BPIFC: variants seen among roughly 807,000 people sequenced by gnomAD.
BPIFC encodes BPI fold-containing family C protein.
Under a neutral mutation model 57.6 loss-of-function variants are expected in BPIFC, and 60 were observed. The observed-to-expected ratio is 1.04, with a 90% CI of 0.85 to 1.29. BPIFC has a LOEUF of 1.29. Among genes scored for constraint, BPIFC ranks in the 50% most tolerant of loss-of-function variants. The pLI is 0.00. For synonymous variants in BPIFC, 243 were observed against 224.5 expected (o/e 1.08, Z -0.74); for missense variants, 581 against 600.5 (o/e 0.97, Z 0.34).
chr22:32,418,734 C>T (rs555879430), intron 14 of BPIFC, among the ~76,000 whole-genome samples: 32 of 152,184 alleles, frequency 2.1e-4, no homozygotes, highest in African/African-American at 2.9e-4. Context: ...CTATTCTACC[C>T]GGGCATTCTG....
chr22:32,432,877 T>C (rs1601458393), intron 11 of BPIFC, among the ~76,000 whole-genome samples: 2 of 152,196 alleles, frequency 1.3e-5, no homozygotes, highest in East Asian at 3.9e-4. Flanking sequence ...TTCTCAAGGT[T>C]CTAGGGGAAT....
At chr22:32,451,299 G>A (rs1197694062) in intron 4 of BPIFC, among the ~76,000 whole-genome samples, 2 of 152,190 alleles carry the variant, frequency 1.3e-5, no homozygotes, top group African/African-American at 4.8e-5. Flanking sequence ...CTGGTTCCAA[G>A]TCTTTGCTAT....
At chr22:32,427,426 T>A (rs1285144157) in intron 13 of BPIFC, among the ~76,000 whole-genome samples, 2 of 152,170 alleles carry the variant, frequency 1.3e-5, no homozygotes, top group East Asian at 3.9e-4. Flanking sequence ...CCTGCTCAGA[T>A]GCAAGTGTTG....
At chr22:32,434,499 A>C (rs1934338954) in intron 10 of BPIFC, among the ~76,000 whole-genome samples, 1 of 150,458 alleles carries the variant, frequency 6.6e-6, no homozygotes, top group East Asian at 1.9e-4. Context: ...ATTACAATCT[A>C]TATGTACATA....
At position 32,434,082 on chromosome 22, in the gene BPIFC, T is replaced by TTATATA. The variant is rs10628834; in HGVS notation, c.925-316_925-311dup. Among the ~76,000 whole-genome samples, 591 of 147,282 alleles carry TTATATA rather than the reference T, an allele frequency of 4.0e-3. 2 individuals are homozygous for TTATATA. The highest frequency in any genetic ancestry group is 0.011 in the Middle Eastern group (3 of 272). On this transcript the variant is annotated intron_variant, in intron 10 of 16. Transcript: ENST00000300399. Reference sequence around the variant, plus strand: ...CGTATGTAGTACAACAAAGTTTTAGTTATATATATATATATCTATATGTAC... The same window carrying TTATATA: ...CGTATGTAGTACAACAAAGTTTTAGTTATATATATATATATATATATCTATATGTAC...
At chr22:32,450,658 C>A (rs1168024315) in intron 4 of BPIFC, among the ~76,000 whole-genome samples, 9 of 151,642 alleles carry the variant, frequency 5.9e-5, no homozygotes, top group Admixed American at 4.6e-4. Flanking sequence ...TCATGATACA[C>A]CTCAATTCAA....
intron 3 of BPIFC, among the ~76,000 whole-genome samples, chr22:32,453,768 C>T (rs1299252865): frequency 6.6e-6 from 1 of 152,078 alleles, no homozygotes; most frequent in Non-Finnish European, 1.5e-5. Flanking sequence ...TATCACAGAA[C>T]AGTGTGAGAA....
At chr22:32,450,918 T>C (rs1049078798) in intron 4 of BPIFC, among the ~76,000 whole-genome samples, 8 of 152,368 alleles carry the variant, frequency 5.3e-5, no homozygotes, top group African/African-American at 1.7e-4. Context: ...AGATTTTCAG[T>C]TGAAAAAGTA....
At chr22:32,426,356 T>C (rs1934067703) in intron 13 of BPIFC, among the ~76,000 whole-genome samples, 1 of 152,168 alleles carries the variant, frequency 6.6e-6, no homozygotes, top group Admixed American at 6.5e-5. Context: ...GCAGCCTGCA[T>C]GGGAGGCAGG....
chr22:32,429,509 G>GTTTTTTTTTT lies in BPIFC; in HGVS notation c.1217+1828_1217+1837dup, dbSNP rs780948561. On this transcript the variant is annotated intron_variant, in intron 13 of 16. Coordinates refer to ENST00000300399, the MANE Select transcript of BPIFC (RefSeq NM_174932.3). ...GCGTGAGCCATGGCAACTGGCCTTT[G>GTTTTTTTTTT]TTTTTTTTTTTTTTTTTTTTTTTTT... Among the ~76,000 whole-genome samples, 8 of 56,648 alleles carry GTTTTTTTTTT rather than the reference G, an allele frequency of 1.4e-4. 1 individual carries two copies. The East Asian group carries it at 2.1e-3, about 15-fold the overall frequency. 37.2% of individuals were successfully genotyped at this position (56,648 alleles called of 152,430 possible).
chr22:32,418,913 G>T (rs1371060953), intron 14 of BPIFC, among the ~76,000 whole-genome samples: 3 of 151,946 alleles, frequency 2.0e-5, no homozygotes, highest in South Asian at 2.1e-4. Context: ...TCCCACAAAG[G>T]TATCCATACA....
chr22:32,444,922 C>T (rs1314630157), intron 7 of BPIFC, among the ~76,000 whole-genome samples: 1 of 152,056 alleles, frequency 6.6e-6, no homozygotes, highest in Non-Finnish European at 1.5e-5. Context: ...TTTCACAAGC[C>T]CGAGTTTGAG....
At chr22:32,435,917 T>G in intron 9 of BPIFC, 37 bp from the exon 10 acceptor site, 1 of 1,577,706 alleles carries the variant, frequency 6.3e-7, no homozygotes, top group Non-Finnish European at 8.6e-7. Context: ...GTGTATCAGG[T>G]GAAAACTCAA....
intron 15 of BPIFC, 141 bp downstream of exon 15, chr22:32,416,944 T>C (rs1228418817): frequency 1.2e-6 from 1 of 861,876 alleles, no homozygotes; most frequent in Admixed American, 1.7e-5. Flanking sequence ...TTGCAAATTC[T>C]GACGCTGGCC....
intron 13 of BPIFC, among the ~76,000 whole-genome samples, chr22:32,424,370 C>T (rs1933934966): frequency 6.6e-6 from 1 of 152,172 alleles, no homozygotes; most frequent in African/African-American, 2.4e-5. Context: ...CCCCTTGATT[C>T]CTTGATGCGG....
intron 11 of BPIFC, 88 bp from the exon 12 acceptor site, chr22:32,432,631 A>G: frequency 7.9e-7 from 1 of 1,264,572 alleles, no homozygotes; most frequent in Non-Finnish European, 1.1e-6. Flanking sequence ...GTGGTGACTA[A>G]ATCTTACATT....
chr22:32,459,499 T>C (rs62241249), intron 2 of BPIFC, among the ~76,000 whole-genome samples: 20,857 of 151,824 alleles, frequency 0.14, 1,787 homozygotes, highest in Non-Finnish European at 0.2. Context: ...CCATCTCTAC[T>C]AAAAATACAA....
Position 32,442,715 on chromosome 22 carries a change from G to C in BPIFC, c.611C>G (p.Ala204Gly), listed in dbSNP as rs779963576. The C allele has an allele frequency of 7.4e-6, 12 of 1,613,892 alleles. No homozygotes were observed. In the South Asian group the frequency reaches 1.3e-4, roughly 18 times the overall value. The change falls in exon 8 of 17, where the codon GCA becomes GGA. Residue 204 changes from alanine (A) to glycine (G), a missense_variant. By Grantham distance (60) the Ala-to-Gly change is moderately conservative. Transcript: ENST00000300399. ...GGCATTTAGCGCTTTGACTTCACTT[G>C]CAATAATGGGACAGAGCTGGCCACA... is the stretch of plus-strand genomic sequence containing the variant. ...NLNEMLCPII[A>G]SEVKALNANL...
At chr22:32,425,702 A>T (rs894560992) in intron 13 of BPIFC, among the ~76,000 whole-genome samples, 4 of 152,114 alleles carry the variant, frequency 2.6e-5, no homozygotes, top group Non-Finnish European at 5.9e-5. Context: ...TTTAAACCTT[A>T]CAACTCCGTG....
Sources: allele counts gnomAD v4.1 joint callset (sites outside exome capture counted in the v4.1 genomes callset), GRCh38; gene constraint gnomAD v4.1.1; transcripts MANE v1.5; gene names NCBI Gene and HGNC (gene_info 2026-07-23, HGNC 2026-07-21).